MLLT3: variants seen among roughly 807,000 people sequenced by gnomAD.
MLLT3 encodes protein AF-9.
A neutral mutation model predicts 53.2 loss-of-function variants in MLLT3; 4 were observed. That is an observed-to-expected ratio of 0.08 (90% CI 0.04 to 0.17). The LOEUF (loss-of-function observed/expected upper bound fraction) is 0.17. Ranked by LOEUF, MLLT3 falls within the 10% of genes least tolerant of loss-of-function variation. The probability of loss-of-function intolerance (pLI) is 1.00; values close to 1 mark genes in which losing one functional copy is unlikely to be tolerated. For synonymous variants in MLLT3, 283 were observed against 230.6 expected (o/e 1.23, Z -2.06); for missense variants, 569 against 684.0 (o/e 0.83, Z 1.87).
At chr9:20,355,075 C>G (rs1821136182) in intron 8 of MLLT3, among the ~76,000 whole-genome samples, 196 bp from the exon 9 acceptor site, 2 of 139,962 alleles carry the variant, frequency 1.4e-5, no homozygotes, top group African/African-American at 2.7e-5. Context: ...ATCTGAAATG[C>G]TGAGTCAGAA....
intron 2 of MLLT3, among the ~76,000 whole-genome samples, chr9:20,470,364 T>C (rs576526938): frequency 6.6e-6 from 1 of 152,140 alleles, no homozygotes; most frequent in African/African-American, 2.4e-5. Flanking sequence ...GGTTCATTTG[T>C]GTTTTATTAA....
intron 4 of MLLT3, among the ~76,000 whole-genome samples, chr9:20,436,343 A>G (rs1405909210): frequency 6.6e-6 from 1 of 152,206 alleles, no homozygotes; most frequent in African/African-American, 2.4e-5. Context: ...TTTAGGGGAA[A>G]GGGATTTCTA....
chr9:20,417,875 T>A (rs1822911519), intron 4 of MLLT3, among the ~76,000 whole-genome samples: 1 of 152,196 alleles, frequency 6.6e-6, no homozygotes, highest in Non-Finnish European at 1.5e-5. Flanking sequence ...TGATTATATG[T>A]GGCTTTCAGT....
chr9:20,367,725 T>C (rs1387212099), intron 5 of MLLT3, among the ~76,000 whole-genome samples: 2 of 152,236 alleles, frequency 1.3e-5, no homozygotes, highest in East Asian at 3.8e-4. Context: ...TATTTGTGGT[T>C]TCCTGTGTAT....
At chr9:20,391,810 G>T (rs1822188998) in intron 5 of MLLT3, among the ~76,000 whole-genome samples, 1 of 152,204 alleles carries the variant, frequency 6.6e-6, no homozygotes, top group Non-Finnish European at 1.5e-5. Context: ...GAAGGAAGAT[G>T]TGTATGTGAT....
At chr9:20,533,836 T>G (rs1818406905) in intron 2 of MLLT3, among the ~76,000 whole-genome samples, 1 of 152,150 alleles carries the variant, frequency 6.6e-6, no homozygotes, top group Non-Finnish European at 1.5e-5. Flanking sequence ...AGGTAGAACC[T>G]AAAAACGCTG....
intron 2 of MLLT3, among the ~76,000 whole-genome samples, chr9:20,527,280 A>C (rs1010046690): frequency 2.6e-5 from 4 of 152,198 alleles, no homozygotes; most frequent in Non-Finnish European, 5.9e-5. Flanking sequence ...GCAAAAGCAT[A>C]AAGAGCCATA....
At chr9:20,589,760 G>GAGC (rs1820079811) in intron 2 of MLLT3, among the ~76,000 whole-genome samples, 1 of 148,190 alleles carries the variant, frequency 6.7e-6, no homozygotes, top group Non-Finnish European at 1.5e-5. Context: ...ACCCAGGCTG[G>GAGC]AGCACAGTGG....
At chr9:20,503,620 T>A (rs1046645295) in intron 2 of MLLT3, among the ~76,000 whole-genome samples, 1 of 152,076 alleles carries the variant, frequency 6.6e-6, no homozygotes, top group African/African-American at 2.4e-5. Context: ...AAATTCTCCA[T>A]GACATTATTC....
intron 5 of MLLT3, among the ~76,000 whole-genome samples, chr9:20,387,711 A>G (rs1822075714): frequency 6.6e-6 from 1 of 152,244 alleles, no homozygotes; most frequent in South Asian, 2.1e-4. Context: ...TCAATAAAAT[A>G]TAATAAATTA....
rs774506038 is a variant in MLLT3, at chr9:20,448,412, A to T, written c.277-146T>A. 5 of 614,768 alleles carry T rather than the reference A, an allele frequency of 8.1e-6. No individual in the cohort carries two copies. The highest frequency in any genetic ancestry group is 1.3e-5 in the Non-Finnish European group (5 of 376,682). 38.1% of individuals were successfully genotyped at this position (614,768 alleles called of 1,614,324 possible). On this transcript the variant is annotated intron_variant, in intron 3 of 10. Coordinates refer to ENST00000380338, the MANE Select transcript of MLLT3 (RefSeq NM_004529.4). The surrounding 1 kb of genome is among the most constrained non-coding windows in gnomAD (Gnocchi z 4.0). Reference sequence around the variant, plus strand: ...TCAAAGTAGTACTGGGAAAAAAAAAAGTATCATGGAATCATCAGTGAAACA... The same window carrying T: ...TCAAAGTAGTACTGGGAAAAAAAAATGTATCATGGAATCATCAGTGAAACA...
intron 5 of MLLT3, among the ~76,000 whole-genome samples, chr9:20,392,919 G>T (rs1659548272): frequency 3.9e-5 from 6 of 152,150 alleles, no homozygotes; most frequent in Admixed American, 3.3e-4. Flanking sequence ...ACTTTGGGAG[G>T]CCAAAGCGGG....
intron 2 of MLLT3, among the ~76,000 whole-genome samples, chr9:20,550,273 T>G (rs1277885347): frequency 6.6e-6 from 1 of 152,184 alleles, no homozygotes; most frequent in South Asian, 2.1e-4. Context: ...AGCACCCAAG[T>G]AAAAGGGGAA....
At chr9:20,456,190 C>T (rs541708455) in intron 3 of MLLT3, among the ~76,000 whole-genome samples, 3 of 152,050 alleles carry the variant, frequency 2.0e-5, no homozygotes, top group East Asian at 1.9e-4. Flanking sequence ...CCGCCCGCCT[C>T]GGCCTCCCAA....
intron 2 of MLLT3, among the ~76,000 whole-genome samples, chr9:20,612,827 T>G (rs2131210080): frequency 6.6e-6 from 1 of 152,264 alleles, no homozygotes; most frequent in East Asian, 1.9e-4. Flanking sequence ...AAAATGGTAC[T>G]CATTTTCTTG....
At chr9:20,416,079 T>C (rs1412853620) in intron 4 of MLLT3, among the ~76,000 whole-genome samples, 1 of 151,994 alleles carries the variant, frequency 6.6e-6, no homozygotes, top group African/African-American at 2.4e-5. Context: ...ATAGGATTCA[T>C]ATTACTAAAA....
intron 2 of MLLT3, among the ~76,000 whole-genome samples, chr9:20,574,311 G>T (rs1819601188): frequency 6.6e-6 from 1 of 152,124 alleles, no homozygotes. Context: ...TCCACTGTCT[G>T]AATTTTCCAG....
intron 2 of MLLT3, among the ~76,000 whole-genome samples, chr9:20,477,002 A>G (rs1824537428): frequency 6.6e-6 from 1 of 152,168 alleles, no homozygotes; most frequent in African/African-American, 2.4e-5. Context: ...TAAACATGCT[A>G]TAAATAGTTT....
chr9:20,616,524 TCAC>T (rs914202439), intron 2 of MLLT3, among the ~76,000 whole-genome samples: 1 of 152,140 alleles, frequency 6.6e-6, no homozygotes, highest in Non-Finnish European at 1.5e-5. Flanking sequence ...TAACCTCCCA[TCAC>T]CACCACAAGT....
Sources: gnomAD v4.1 joint callset for allele counts (sites outside exome capture counted in the v4.1 genomes callset) on GRCh38, gnomAD v4.1.1 for gene constraint, Gnocchi (gnomAD v3.1) non-coding constraint, MANE v1.5 for transcripts, NCBI Gene and HGNC (gene_info 2026-07-23, HGNC 2026-07-21) for gene names.